The following FBXL7 variants were observed in gnomAD, a reference collection of about 807,000 sequenced individuals.
FBXL7 encodes F-box/LRR-repeat protein 7.
A neutral mutation model predicts 38.3 loss-of-function variants in FBXL7; 12 were observed. The ratio of observed to expected loss-of-function variants is 0.31; its 90% CI spans 0.20 to 0.51. The LOEUF is 0.51. Ranked by LOEUF, FBXL7 falls within the 20% of genes least tolerant of loss-of-function variation. The probability of loss-of-function intolerance (pLI) is 0.98; values close to 1 mark genes in which losing one functional copy is unlikely to be tolerated. For synonymous variants in FBXL7, 297 were observed against 300.9 expected (o/e 0.99, Z 0.13); for missense variants, 567 against 676.4 (o/e 0.84, Z 1.79).
chr5:15,889,184 C>T (rs911032909), intron 2 of FBXL7, among the ~76,000 whole-genome samples: 1 of 152,106 alleles, frequency 6.6e-6, no homozygotes, highest in Non-Finnish European at 1.5e-5. Context: ...CAGATCTTAC[C>T]AATGCCTGGC....
At chr5:15,849,373 G>A (rs1295061347) in intron 2 of FBXL7, among the ~76,000 whole-genome samples, 1 of 152,198 alleles carries the variant, frequency 6.6e-6, no homozygotes, top group Non-Finnish European at 1.5e-5. Flanking sequence ...GATATGGTTT[G>A]CTGTGCCCCC....
At chr5:15,551,126 C>T (rs1458626941) in intron 1 of FBXL7, among the ~76,000 whole-genome samples, 2 of 152,178 alleles carry the variant, frequency 1.3e-5, no homozygotes, top group Non-Finnish European at 2.9e-5. Context: ...GTACTCAGCC[C>T]TGCCACAGAA....
chr5:15,626,544 C>CTGTGTGTG (rs71603784), intron 2 of FBXL7, among the ~76,000 whole-genome samples: 11,608 of 148,252 alleles, frequency 0.078, 488 homozygotes, highest in African/African-American at 0.12. Context: ...AATTCGTTTC[C>CTGTGTGTG]TGTGTGTGTG....
chr5:15,862,319 C>T (rs1025435473), intron 2 of FBXL7, among the ~76,000 whole-genome samples: 1 of 152,182 alleles, frequency 6.6e-6, no homozygotes, highest in Non-Finnish European at 1.5e-5. Flanking sequence ...GTGCCTTTCA[C>T]CTTCCACCAT....
Position 15,926,707 on chromosome 5 carries a change from AT to A in FBXL7, c.128-1182del, listed in dbSNP as rs142498228. 7.2e-3 allele frequency among the ~76,000 whole-genome samples: 1,093 copies of A among 152,274 alleles called. 10 individuals are homozygous for A. Among genetic ancestry groups the A allele is most frequent in the African/African-American group, 0.024 (1,013 of 41,548 alleles). On this transcript the variant is annotated intron_variant, in intron 2 of 3. Transcript: ENST00000504595. ...ATAGAATATGGCTCATACTATTCAAATGCAAAGGGGAGGTTGTTAATAAGAA... is the reference window on the plus strand; with the variant it reads ...ATAGAATATGGCTCATACTATTCAAAGCAAAGGGGAGGTTGTTAATAAGAA...
chr5:15,898,881 AT>A (rs2126404959), intron 2 of FBXL7, among the ~76,000 whole-genome samples: 1 of 152,022 alleles, frequency 6.6e-6, no homozygotes, highest in African/African-American at 2.4e-5. Context: ...CCAAGTATTT[AT>A]TTTTTGGCCA....
At chr5:15,818,741 T>TGA (rs1317996905) in intron 2 of FBXL7, among the ~76,000 whole-genome samples, 2 of 43,166 alleles carry the variant, frequency 4.6e-5, no homozygotes, top group African/African-American at 7.2e-5. Context: ...TGTGTGTGTG[T>TGA]GTGAGAGAGA....
chr5:15,852,439 A>G (rs753592257), intron 2 of FBXL7, among the ~76,000 whole-genome samples: 5 of 152,136 alleles, frequency 3.3e-5, no homozygotes, highest in Admixed American at 6.6e-5. Context: ...GCCCCAAACT[A>G]CCCTGGTGAG....
intron 2 of FBXL7, among the ~76,000 whole-genome samples, chr5:15,920,887 C>T (rs1486434943): frequency 6.6e-6 from 1 of 152,054 alleles, no homozygotes; most frequent in Non-Finnish European, 1.5e-5. Context: ...ACAGTTAAAT[C>T]ACAAAATACA....
In FBXL7 at chr5:15,690,433, A is replaced by G. The variant is rs1434502175; in HGVS notation, c.127+74361A>G. ...TAGTTGACACATAGTAATTTTACAT[A>G]TTTATGGGCTACAGTATGATGTTTC... is the stretch of plus-strand genomic sequence containing the variant. On this transcript the variant is annotated intron_variant, in intron 2 of 3. Coordinates refer to ENST00000504595, the MANE Select transcript of FBXL7 (RefSeq NM_012304.5). Among the ~76,000 whole-genome samples, 3 of 152,176 alleles carry G rather than the reference A, an allele frequency of 2.0e-5. No individual in the cohort carries two copies. In the South Asian group the frequency reaches 6.2e-4, roughly 32 times the overall value.
intron 2 of FBXL7, among the ~76,000 whole-genome samples, chr5:15,801,654 T>TGA (rs1737568862): frequency 6.8e-6 from 1 of 146,992 alleles, no homozygotes; most frequent in Non-Finnish European, 1.5e-5. Context: ...TGTGTGTGTG[T>TGA]GTGCGCGCGC....
intron 2 of FBXL7, among the ~76,000 whole-genome samples, chr5:15,764,922 A>C (rs1736546740): frequency 6.6e-6 from 1 of 152,264 alleles, no homozygotes; most frequent in African/African-American, 2.4e-5. Flanking sequence ...CAAATTGCAA[A>C]TATTATGTAT....
chr5:15,803,216 A>G (rs1737617421), intron 2 of FBXL7, among the ~76,000 whole-genome samples: 1 of 152,176 alleles, frequency 6.6e-6, no homozygotes. Context: ...CATAAGTATA[A>G]CCTTGACCCC....
chr5:15,677,175 C>T (rs534140284), intron 2 of FBXL7, among the ~76,000 whole-genome samples: 28 of 152,272 alleles, frequency 1.8e-4, no homozygotes, highest in African/African-American at 5.3e-4. Context: ...TTCCTGTCTT[C>T]AAGAAATTTC....
intron 2 of FBXL7, among the ~76,000 whole-genome samples, chr5:15,737,584 C>G (rs1055533637): frequency 2.0e-5 from 3 of 152,132 alleles, no homozygotes; most frequent in African/African-American, 7.2e-5. Flanking sequence ...AGAGAAAGAT[C>G]TTTTTAAAAT....
intron 2 of FBXL7, among the ~76,000 whole-genome samples, chr5:15,891,911 G>T (rs979658679): frequency 1.3e-5 from 2 of 152,228 alleles, no homozygotes; most frequent in South Asian, 2.1e-4. Flanking sequence ...AAGAGGAAAA[G>T]TCTGCTTGAC....
At chr5:15,576,072 C>CTTTTTTTTTTTTT (rs35832237) in intron 1 of FBXL7, among the ~76,000 whole-genome samples, 1 of 74,260 alleles carries the variant, frequency 1.3e-5, no homozygotes, top group African/African-American at 5.7e-5. Flanking sequence ...GAATCTCATT[C>CTTTTTTTTTTTTT]TTTTTTTTTT....
chr5:15,836,960 T>C (rs537224413), intron 2 of FBXL7, among the ~76,000 whole-genome samples: 63 of 152,308 alleles, frequency 4.1e-4, no homozygotes, highest in South Asian at 1.9e-3. Context: ...ACTTCACTTA[T>C]AAGTAAGCAG....
chr5:15,702,359 A>G (rs1743553054), intron 2 of FBXL7, among the ~76,000 whole-genome samples: 1 of 152,208 alleles, frequency 6.6e-6, no homozygotes, highest in Admixed American at 6.5e-5. Context: ...GCAAAGACCC[A>G]ATGCACTCAA....
Sources: allele counts gnomAD v4.1 joint callset (sites outside exome capture counted in the v4.1 genomes callset), GRCh38; gene constraint gnomAD v4.1.1; transcripts MANE v1.5; gene names NCBI Gene and HGNC (gene_info 2026-07-23, HGNC 2026-07-21).